KCNH1: variants seen among roughly 807,000 people sequenced by gnomAD.
KCNH1 encodes potassium voltage-gated channel subfamily H member 1.
Under a neutral mutation model 69.2 loss-of-function variants are expected in KCNH1, and 27 were observed. The ratio of observed to expected loss-of-function variants is 0.39; its 90% CI spans 0.29 to 0.54. The LOEUF is 0.54. Ranked by LOEUF, KCNH1 falls within the 20% of genes least tolerant of loss-of-function variation. The pLI is 0.68. For missense variants in KCNH1, 798 were observed against 1,261.6 expected (o/e 0.63, Z 5.57); for synonymous variants, 456 against 487.7 (o/e 0.93, Z 0.86).
chr1:210,749,120 C>T (rs1047409579), intron 10 of KCNH1, among the ~76,000 whole-genome samples: 1 of 152,266 alleles, frequency 6.6e-6, no homozygotes, highest in East Asian at 1.9e-4. Context: ...TGCAGTCCCT[C>T]GTCTTGCTCA....
chr1:210,789,161 T>C (rs993740805), intron 9 of KCNH1, among the ~76,000 whole-genome samples: 2 of 152,130 alleles, frequency 1.3e-5, no homozygotes, highest in African/African-American at 4.8e-5. Flanking sequence ...GTGGCAGCAA[T>C]ATTTACCTAG....
chr1:210,826,482 CAACT>C (rs1198110692), intron 7 of KCNH1, among the ~76,000 whole-genome samples: 4 of 152,202 alleles, frequency 2.6e-5, no homozygotes, highest in Admixed American at 2.6e-4. Context: ...ATGATAAAAC[CAACT>C]GTGTGAAGAC....
chr1:210,893,115 T>C (rs1162597273), intron 7 of KCNH1, among the ~76,000 whole-genome samples: 1 of 152,188 alleles, frequency 6.6e-6, no homozygotes, highest in Non-Finnish European at 1.5e-5. Context: ...TCTTCATTCC[T>C]TTACAGAGAT....
intron 7 of KCNH1, among the ~76,000 whole-genome samples, chr1:210,835,864 T>G (rs1410989801): frequency 6.6e-6 from 1 of 151,994 alleles, no homozygotes; most frequent in Non-Finnish European, 1.5e-5. Context: ...GCATGGTGGC[T>G]CAAGCTTGTA....
rs140135523 is a variant in KCNH1, at chr1:210,999,041, C to A, written c.1032+19742G>T. On this transcript the variant is annotated intron_variant, in intron 6 of 10. Transcript: ENST00000271751. ...GTGTAGAGGGAAATTTATAGCACTA[C>A]ATGCCCACAAGAGAAAGCAGGAAAG... 8.3e-3 allele frequency among the ~76,000 whole-genome samples: 1,257 copies of A among 152,190 alleles called. 15 individuals are homozygous for A. Among genetic ancestry groups the A allele is most frequent in the African/African-American group, 0.026 (1,097 of 41,522 alleles).
At chr1:211,040,066 C>CT (rs1299665117) in intron 5 of KCNH1, among the ~76,000 whole-genome samples, 1 of 151,954 alleles carries the variant, frequency 6.6e-6, no homozygotes. Flanking sequence ...TGGCGGGCGC[C>CT]TGTAGTCCCA....
chr1:211,087,903 G>A (rs1309879910), intron 4 of KCNH1, among the ~76,000 whole-genome samples: 9 of 152,056 alleles, frequency 5.9e-5, no homozygotes, highest in Non-Finnish European at 1.0e-4. Flanking sequence ...CTGAGGCTCC[G>A]GGTAGAAGAG....
intron 5 of KCNH1, among the ~76,000 whole-genome samples, chr1:211,070,522 C>CT (rs1690622643): frequency 6.6e-6 from 1 of 150,710 alleles, no homozygotes; most frequent in South Asian, 2.1e-4. Flanking sequence ...CAAAAAATTC[C>CT]TTTAAAAACT....
At chr1:210,705,475 C>T (rs534914486) in intron 10 of KCNH1, among the ~76,000 whole-genome samples, 29 of 152,326 alleles carry the variant, frequency 1.9e-4, no homozygotes, top group Non-Finnish European at 1.3e-4. Context: ...AGTCTTGGGG[C>T]TGGCTGTCCC....
chr1:210,970,971 A>C (rs552248878), intron 6 of KCNH1, among the ~76,000 whole-genome samples: 2 of 152,186 alleles, frequency 1.3e-5, no homozygotes, highest in African/African-American at 2.4e-5. Flanking sequence ...ACCACATCAA[A>C]AAGTGGGCAG....
At chr1:210,827,392 A>G (rs1218082069) in intron 7 of KCNH1, among the ~76,000 whole-genome samples, 1 of 152,112 alleles carries the variant, frequency 6.6e-6, no homozygotes, top group African/African-American at 2.4e-5. Context: ...CTTTATGACT[A>G]TGTATTCTCT....
At chr1:210,868,319 T>TTTAA (rs1201557916) in intron 7 of KCNH1, among the ~76,000 whole-genome samples, 1 of 152,022 alleles carries the variant, frequency 6.6e-6, no homozygotes, top group Admixed American at 6.6e-5. Context: ...ATAAGTTTTT[T>TTTAA]TTAATACATT....
At chr1:210,870,922 C>T (rs1686226906) in intron 7 of KCNH1, among the ~76,000 whole-genome samples, 1 of 152,206 alleles carries the variant, frequency 6.6e-6, no homozygotes, top group Non-Finnish European at 1.5e-5. Flanking sequence ...CTGATACTGG[C>T]TCTGCCACTT....
intron 1 of KCNH1, among the ~76,000 whole-genome samples, chr1:211,110,084 A>AAGG (rs1423351240): frequency 3.3e-5 from 5 of 152,112 alleles, no homozygotes; most frequent in Non-Finnish European, 5.9e-5. Flanking sequence ...CCTAAGAGGA[A>AAGG]CAGCAAAAAG....
At chr1:210,921,417 C>T (rs1687457424) in intron 6 of KCNH1, among the ~76,000 whole-genome samples, 1 of 152,226 alleles carries the variant, frequency 6.6e-6, no homozygotes, top group Non-Finnish European at 1.5e-5. Context: ...ATTTTAAACA[C>T]TAACAGTTTC....
At chr1:210,718,445 T>TTTA in intron 10 of KCNH1, among the ~76,000 whole-genome samples, 1 of 3,210 alleles carries the variant, frequency 3.1e-4, no homozygotes. Flanking sequence ...TATGTATATA[T>TTTA]ATAAAATATA....
At chr1:210,736,127 C>T (rs1012025865) in intron 10 of KCNH1, among the ~76,000 whole-genome samples, 11 of 152,110 alleles carry the variant, frequency 7.2e-5, no homozygotes, top group African/African-American at 1.7e-4. Context: ...TGCAGTACAG[C>T]GTCAAACTCC....
chr1:210,978,486 C>T (rs1360818807), intron 6 of KCNH1, among the ~76,000 whole-genome samples: 1 of 152,138 alleles, frequency 6.6e-6, no homozygotes, highest in Non-Finnish European at 1.5e-5. Context: ...GTGTGAGTCA[C>T]ACATTACTGT....
intron 7 of KCNH1, among the ~76,000 whole-genome samples, chr1:210,848,476 A>T (rs762238128): frequency 5.3e-5 from 8 of 152,144 alleles, no homozygotes; most frequent in Non-Finnish European, 1.2e-4. Context: ...GCAAGAGTGG[A>T]CTCTAGCGTC....
Sources: gnomAD v4.1 joint callset for allele counts (sites outside exome capture counted in the v4.1 genomes callset) on GRCh38, gnomAD v4.1.1 for gene constraint, MANE v1.5 for transcripts, NCBI Gene and HGNC (gene_info 2026-07-23, HGNC 2026-07-21) for gene names.